Variants in IL1RAP observed in about 807,000 individuals in gnomAD.
IL1RAP encodes the protein interleukin 1 receptor accessory protein.
In IL1RAP, 35 loss-of-function variants were observed where a neutral mutation model predicts 60.7. That is an observed-to-expected ratio of 0.58 (90% CI 0.44 to 0.76). The LOEUF (loss-of-function observed/expected upper bound fraction) is 0.76. Among genes scored for constraint, IL1RAP ranks in the 30% least tolerant of loss-of-function variants. The pLI is 0.00. For missense variants in IL1RAP, 572 were observed against 693.9 expected (o/e 0.82, Z 1.97); for synonymous variants, 268 against 250.9 (o/e 1.07, Z -0.64).
Position 190,636,138 on chromosome 3 carries a change from A to G in IL1RAP, c.1051+6640A>G, listed in dbSNP as rs73201849. ...AAAAAAAAGTATTTGCAGACTGCCT[A>G]TCTTGGTAAATGTTTGATATGCATT... is the stretch of plus-strand genomic sequence containing the variant. On this transcript the variant is annotated intron_variant, in intron 9 of 11. Coordinates refer to ENST00000447382, the MANE Select transcript of IL1RAP (RefSeq NM_002182.4). 3.3e-3 allele frequency among the ~76,000 whole-genome samples: 495 copies of G among 152,278 alleles called. 2 individuals are homozygous for G. Among genetic ancestry groups the G allele is most frequent in the South Asian group, 0.021 (103 of 4,824 alleles).
chr3:190,520,585 CAGAG>C (rs887605734), intron 1 of IL1RAP: 1 of 152,122 alleles, frequency 6.6e-6, no homozygotes, highest in South Asian at 2.1e-4. Context: ...AATAAATTGC[CAGAG>C]AGAAAGTAGG....
intron 3 of IL1RAP, among the ~76,000 whole-genome samples, chr3:190,592,884 T>C (rs1337088304): frequency 6.6e-6 from 1 of 152,218 alleles, no homozygotes; most frequent in Non-Finnish European, 1.5e-5. Flanking sequence ...TTGTAATGAT[T>C]TGTCCATACT....
chr3:190,557,266 C>T (rs1417783781), intron 2 of IL1RAP, among the ~76,000 whole-genome samples: 1 of 152,184 alleles, frequency 6.6e-6, no homozygotes, highest in African/African-American at 2.4e-5. Flanking sequence ...ACTGAAAACC[C>T]AGTTCTAGTT....
chr3:190,527,297 C>A (rs1722590598), intron 1 of IL1RAP, among the ~76,000 whole-genome samples: 2 of 152,174 alleles, frequency 1.3e-5, no homozygotes, highest in Admixed American at 6.5e-5. Flanking sequence ...TCAATCCTTA[C>A]TGCAGCCATG....
chr3:190,605,610 C>G (rs1730256336), intron 4 of IL1RAP, among the ~76,000 whole-genome samples: 1 of 152,104 alleles, frequency 6.6e-6, no homozygotes, highest in Non-Finnish European at 1.5e-5. Context: ...TACCTTCTCA[C>G]AGTTCTGGAG....
intron 3 of IL1RAP, among the ~76,000 whole-genome samples, chr3:190,588,613 G>A (rs1303727458): frequency 1.3e-4 from 20 of 152,134 alleles, no homozygotes; most frequent in Admixed American, 1.2e-3. Context: ...GTTCCTAAAA[G>A]CCCTCTTCAA....
intron 5 of IL1RAP, among the ~76,000 whole-genome samples, chr3:190,616,650 A>T (rs1382712939): frequency 6.6e-6 from 1 of 152,146 alleles, no homozygotes; most frequent in African/African-American, 2.4e-5. Flanking sequence ...CAAACCTTGT[A>T]TCTCAATTAA....
intron 4 of IL1RAP, among the ~76,000 whole-genome samples, chr3:190,607,611 G>A (rs1730450870): frequency 6.6e-6 from 1 of 151,968 alleles, no homozygotes; most frequent in African/African-American, 2.4e-5. Flanking sequence ...AACAGAGAAG[G>A]CCTGCATGTG....
intron 2 of IL1RAP, among the ~76,000 whole-genome samples, chr3:190,557,921 A>C (rs934492508): frequency 1.3e-5 from 2 of 152,104 alleles, no homozygotes; most frequent in Admixed American, 6.5e-5. Flanking sequence ...AACAACTCTC[A>C]TGTGCCCTTC....
At chr3:190,523,105 A>T (rs766363190) in intron 1 of IL1RAP, among the ~76,000 whole-genome samples, 9 of 152,036 alleles carry the variant, frequency 5.9e-5, no homozygotes, top group Admixed American at 2.0e-4. Flanking sequence ...CTTACATTTT[A>T]TTTCCTCTCT....
chr3:190,615,061 C>G (rs1198036158), intron 5 of IL1RAP, among the ~76,000 whole-genome samples: 2 of 149,740 alleles, frequency 1.3e-5, no homozygotes, highest in East Asian at 3.9e-4. Context: ...TCTTTCTCCT[C>G]TTTTTTTTTT....
chr3:190,632,465 T>C (rs896749365), intron 9 of IL1RAP, among the ~76,000 whole-genome samples: 9 of 152,342 alleles, frequency 5.9e-5, no homozygotes, highest in Non-Finnish European at 1.5e-5. Flanking sequence ...TTAAATTTAA[T>C]GTATGTTAGG....
chr3:190,595,679 T>C (rs1406108594), intron 3 of IL1RAP, among the ~76,000 whole-genome samples: 5 of 152,232 alleles, frequency 3.3e-5, no homozygotes, highest in Non-Finnish European at 5.9e-5. Context: ...CTGATCCGCA[T>C]TGGTTTCTAG....
intron 9 of IL1RAP, among the ~76,000 whole-genome samples, chr3:190,631,234 A>G (rs1179296423): frequency 2.6e-5 from 4 of 152,148 alleles, no homozygotes; most frequent in Admixed American, 6.5e-5. Flanking sequence ...TATCCTGGGG[A>G]ATAATTATGG....
At chr3:190,608,165 T>C (rs1373547086) in intron 4 of IL1RAP, among the ~76,000 whole-genome samples, 1 of 152,194 alleles carries the variant, frequency 6.6e-6, no homozygotes, top group Non-Finnish European at 1.5e-5. Flanking sequence ...CTGAGAAATA[T>C]TTGTTAGCTG....
chr3:190,573,827 T>C (rs1043494347), intron 3 of IL1RAP, among the ~76,000 whole-genome samples: 2 of 152,118 alleles, frequency 1.3e-5, no homozygotes, highest in African/African-American at 4.8e-5. Flanking sequence ...TAGTGGTGGG[T>C]AGGTATGTAA....
intron 3 of IL1RAP, among the ~76,000 whole-genome samples, chr3:190,580,950 A>T (rs543603550): frequency 1.3e-5 from 2 of 152,332 alleles, no homozygotes; most frequent in South Asian, 4.1e-4. Flanking sequence ...AGGCACATCA[A>T]ATATATACAG....
chr3:190,614,380 C>G (rs1322599654), intron 5 of IL1RAP, among the ~76,000 whole-genome samples: 1 of 151,890 alleles, frequency 6.6e-6, no homozygotes, highest in Non-Finnish European at 1.5e-5. Context: ...AGTAATCACA[C>G]GGCAGCGTGC....
At position 190,534,913 on chromosome 3, in the gene IL1RAP, TAAAA is replaced by T. The variant is rs77663032; in HGVS notation, c.-89+20712_-89+20715del. On this transcript the variant is annotated intron_variant, in intron 1 of 11. Transcript: ENST00000447382. ...ATAAGAAGATAAAGTGTAAGAGAAT[TAAAA>T]AAAAAAAAAAAAAAAAAGAAAACCA... 2.4e-5 allele frequency among the ~76,000 whole-genome samples: 3 copies of T among 127,528 alleles called. 1 individual carries two copies. Among genetic ancestry groups the T allele is most frequent in the Admixed American group, 7.8e-5 (1 of 12,858 alleles). The allele number at this position is 127,528 out of a possible 152,430, so 83.7% of individuals were successfully genotyped here.
Sources: gnomAD v4.1 joint callset for allele counts (sites outside exome capture counted in the v4.1 genomes callset) on GRCh38, gnomAD v4.1.1 for gene constraint, MANE v1.5 for transcripts, NCBI Gene and HGNC (gene_info 2026-07-23, HGNC 2026-07-21) for gene names.